PDHX: variants seen among roughly 807,000 people sequenced by gnomAD.
The protein encoded by PDHX is pyruvate dehydrogenase complex component X.
A neutral mutation model predicts 55.3 loss-of-function variants in PDHX; 33 were observed. That is an observed-to-expected ratio of 0.60 (90% CI 0.45 to 0.80). The LOEUF (loss-of-function observed/expected upper bound fraction) is 0.80, where lower values mean the gene tolerates loss of function less well. Among genes scored for constraint, PDHX ranks in the 30% least tolerant of loss-of-function variants. PDHX has a pLI of 0.00. For missense variants in PDHX, 622 were observed against 619.9 expected (o/e 1.00, Z -0.04); for synonymous variants, 226 against 219.4 (o/e 1.03, Z -0.27).
At chr11:34,994,744 G>A (rs548220690) in intron 10 of PDHX, among the ~76,000 whole-genome samples, 170 bp from the exon 11 acceptor site, 3 of 152,080 alleles carry the variant, frequency 2.0e-5, no homozygotes, top group Non-Finnish European at 2.9e-5. Flanking sequence ...TTTTTCCTGT[G>A]TACACAATTA....
At chr11:34,981,645 C>T (rs1855516088) in intron 8 of PDHX, among the ~76,000 whole-genome samples, 1 of 152,078 alleles carries the variant, frequency 6.6e-6, no homozygotes, top group South Asian at 2.1e-4. Flanking sequence ...TATTTCTCCA[C>T]ATCCTCTCCA....
At chr11:34,986,203 A>G (rs1031845937) in intron 9 of PDHX, among the ~76,000 whole-genome samples, 1 of 151,600 alleles carries the variant, frequency 6.6e-6, no homozygotes, top group African/African-American at 2.4e-5. Context: ...TATTCGCGTG[A>G]CGGAGGCATG....
intron 9 of PDHX, among the ~76,000 whole-genome samples, chr11:34,985,561 G>A (rs74698814): frequency 0.047 from 7,194 of 152,184 alleles, 535 homozygotes; most frequent in African/African-American, 0.16. Flanking sequence ...ATAGTACATC[G>A]AATAGGCAAG....
At chr11:34,973,760 T>C (rs1159358369) in intron 7 of PDHX, among the ~76,000 whole-genome samples, 1 of 152,200 alleles carries the variant, frequency 6.6e-6, no homozygotes. Flanking sequence ...CCAGAATACA[T>C]GTTTAATGTT....
Position 34,957,384 on chromosome 11 carries a change from G to C in PDHX, c.343G>C (p.Val115Leu), listed in dbSNP as rs762712381. The change falls in exon 4 of 11, where the codon GTT (valine) becomes CTT (leucine). Residue 115 changes from valine (V) to leucine (L), a missense_variant and splice_region_variant. Physicochemically the swap from Val to Leu is conservative, Grantham distance 32. Transcript: ENST00000227868. ...ACAGTTACTTCTTTTTTAAATATAGGTTGAAGAAGGAAGTAAAAATATACG... is the reference window on the plus strand; with the variant it reads ...ACAGTTACTTCTTTTTTAAATATAGCTTGAAGAAGGAAGTAAAAATATACG... ...SDDGILAKIVVEEGSKNIRLG... is the reference protein window; with the variant it reads ...SDDGILAKIVLEEGSKNIRLG... 6.3e-7 allele frequency: 1 copy of C among 1,583,748 alleles called. No homozygotes were observed. Among genetic ancestry groups the C allele is most frequent in the South Asian group, 1.1e-5 (1 of 90,426 alleles).
chr11:34,991,724 C>T (rs1277477470), intron 9 of PDHX, among the ~76,000 whole-genome samples: 2 of 151,866 alleles, frequency 1.3e-5, no homozygotes, highest in Non-Finnish European at 2.9e-5. Context: ...GCCTGACCAA[C>T]ATGGTGAAAC....
chr11:34,961,655 G>A (rs1855023769), intron 5 of PDHX, among the ~76,000 whole-genome samples: 1 of 152,156 alleles, frequency 6.6e-6, no homozygotes, highest in South Asian at 2.1e-4. Flanking sequence ...ACTGTTGGGT[G>A]TTTATTTTAT....
intron 2 of PDHX, among the ~76,000 whole-genome samples, chr11:34,943,346 C>T (rs775729544): frequency 1.3e-5 from 2 of 152,068 alleles, no homozygotes; most frequent in African/African-American, 2.4e-5. Flanking sequence ...TAGCTGAAGT[C>T]GAATCTGTAG....
chr11:34,958,592 C>T (rs7123595), intron 4 of PDHX, among the ~76,000 whole-genome samples: 7,212 of 152,076 alleles, frequency 0.047, 539 homozygotes, highest in African/African-American at 0.16. Context: ...TGAGCCACTG[C>T]GCCTGGCCTG....
At chr11:34,929,892 A>G (rs1590731315) in intron 1 of PDHX, among the ~76,000 whole-genome samples, 1 of 152,170 alleles carries the variant, frequency 6.6e-6, no homozygotes, top group Admixed American at 6.5e-5. Flanking sequence ...ACAGATAGAG[A>G]TCAAATGCTG....
intron 9 of PDHX, among the ~76,000 whole-genome samples, chr11:34,985,640 C>T (rs1201326413): frequency 6.6e-6 from 1 of 152,168 alleles, no homozygotes; most frequent in African/African-American, 2.4e-5. Context: ...AGAAGTATCA[C>T]AAGTCTTAAA....
At chr11:34,991,755 A>T (rs917449441) in intron 9 of PDHX, among the ~76,000 whole-genome samples, 1 of 151,876 alleles carries the variant, frequency 6.6e-6, no homozygotes. Context: ...CTAAAAATAT[A>T]AAAAATTAGC....
At chr11:34,918,600 T>C (rs958955844) in intron 1 of PDHX, among the ~76,000 whole-genome samples, 2 of 152,216 alleles carry the variant, frequency 1.3e-5, no homozygotes, top group Admixed American at 6.5e-5. Context: ...GAATACCATC[T>C]GTCAGGAAGA....
intron 3 of PDHX, among the ~76,000 whole-genome samples, chr11:34,953,622 C>G (rs1479605674): frequency 6.6e-6 from 1 of 152,194 alleles, no homozygotes; most frequent in Admixed American, 6.5e-5. Flanking sequence ...CAGACACCAT[C>G]TTGAGGTGCT....
At chr11:34,978,823 T>G (rs962102480) in intron 8 of PDHX, among the ~76,000 whole-genome samples, 2 of 152,126 alleles carry the variant, frequency 1.3e-5, no homozygotes, top group African/African-American at 2.4e-5. Flanking sequence ...ACATGAGGCC[T>G]TGTTGGACAT....
At chr11:34,992,712 G>A (rs999032794) in intron 10 of PDHX, among the ~76,000 whole-genome samples, 3 of 151,880 alleles carry the variant, frequency 2.0e-5, no homozygotes, top group African/African-American at 7.3e-5. Context: ...ATTTATTATT[G>A]CAGCATATAA....
chr11:34,936,252 C>T (rs1383959333), intron 2 of PDHX, among the ~76,000 whole-genome samples: 2 of 152,166 alleles, frequency 1.3e-5, no homozygotes, highest in African/African-American at 4.8e-5. Context: ...TCCAAATGAA[C>T]ATTACTGGTC....
intron 6 of PDHX, among the ~76,000 whole-genome samples, chr11:34,969,856 C>CT (rs1855219000): frequency 6.6e-6 from 1 of 151,998 alleles, no homozygotes; most frequent in African/African-American, 2.4e-5. Flanking sequence ...AGGTTTCTTT[C>CT]TTATCATCTT....
intron 7 of PDHX, among the ~76,000 whole-genome samples, chr11:34,977,177 G>A (rs995018010): frequency 6.6e-6 from 1 of 152,158 alleles, no homozygotes; most frequent in Admixed American, 6.6e-5. Flanking sequence ...TTTGGAATGA[G>A]CTGTTATTCA....
Sources: allele counts gnomAD v4.1 joint callset (sites outside exome capture counted in the v4.1 genomes callset), GRCh38; gene constraint gnomAD v4.1.1; transcripts MANE v1.5; gene names NCBI Gene and HGNC (gene_info 2026-07-23, HGNC 2026-07-21).